The following MYH11 variants were observed in gnomAD, a reference collection of about 807,000 sequenced individuals.
The protein encoded by MYH11 is myosin-11.
Under a neutral mutation model 246.6 loss-of-function variants are expected in MYH11, and 80 were observed. The ratio of observed to expected loss-of-function variants is 0.32; its 90% CI spans 0.27 to 0.39. MYH11 has a LOEUF of 0.39. MYH11 is among the 10% of genes least tolerant of loss of function. The probability of loss-of-function intolerance (pLI) is 1.00; values close to 1 mark genes in which losing one functional copy is unlikely to be tolerated. For missense variants in MYH11, 2,158 were observed against 2,546.8 expected, an observed-to-expected ratio of 0.85 and a Z score of 3.29; for synonymous variants, 1,071 against 1,015.5, an observed-to-expected ratio of 1.05 and a Z score of -1.04.
At position 15,715,287 on chromosome 16, in the gene MYH11, G is replaced by T; in HGVS notation, c.5505-15C>A. The T allele has an allele frequency of 1.2e-6, 2 of 1,613,742 alleles. No individual in the cohort carries two copies. Among genetic ancestry groups the T allele is most frequent in the Non-Finnish European group, 1.7e-6 (2 of 1,179,818 alleles). ...CCTGTTTCTCTCTGCAAACAGCAAG[G>T]AAAACAGGTGGTTTCAGCGGAGGGT... On this transcript the variant is annotated splice_polypyrimidine_tract_variant and intron_variant, in intron 38 of 40. Coordinates refer to ENST00000300036, the MANE Select transcript of MYH11 (RefSeq NM_002474.3).
intron 11 of MYH11, among the ~76,000 whole-genome samples, chr16:15,759,980 C>G (rs564068111): frequency 1.1e-4 from 17 of 152,066 alleles, no homozygotes; most frequent in Non-Finnish European, 1.9e-4. Flanking sequence ...GCCTGTAGTC[C>G]CAGCTGCTTG....
chr16:15,783,777 G>T (rs2042407560), intron 5 of MYH11, among the ~76,000 whole-genome samples: 1 of 152,104 alleles, frequency 6.6e-6, no homozygotes, highest in African/African-American at 2.4e-5. Context: ...TTTAAATCGG[G>T]GGACCTGGTT....
chr16:15,763,741 T>TCACCCCCCCC, intron 10 of MYH11, 55 bp downstream of exon 10: 1 of 646,862 alleles, frequency 1.5e-6, no homozygotes, highest in Non-Finnish European at 2.9e-6. Context: ...AAATGTCACC[T>TCACCCCCCCC]CCCCCACCCC....
chr16:15,840,071 T>A (rs1319279605), intron 1 of MYH11, among the ~76,000 whole-genome samples: 1 of 147,466 alleles, frequency 6.8e-6, no homozygotes, highest in Non-Finnish European at 1.5e-5. Context: ...AAAAAAAGAG[T>A]TGCCAGTGGC....
chr16:15,749,509 G>A (rs543447907), intron 16 of MYH11: 1 of 152,732 alleles, frequency 6.5e-6, no homozygotes, highest in East Asian at 1.9e-4. Flanking sequence ...GCTGTGGGAG[G>A]AGCCCTGGCT....
chr16:15,847,414 C>A (rs1029196933), intron 1 of MYH11, among the ~76,000 whole-genome samples: 1 of 152,038 alleles, frequency 6.6e-6, no homozygotes, highest in Non-Finnish European at 1.5e-5. Context: ...CCATGCCCAG[C>A]TATTTTCCTG....
At chr16:15,760,412 G>A in intron 11 of MYH11, 128 bp downstream of exon 11, 1 of 802,174 alleles carries the variant, frequency 1.2e-6, no homozygotes, top group Non-Finnish European at 2.2e-6. Flanking sequence ...ATGGATGGAT[G>A]GACAGATGCA....
In MYH11 at chr16:15,727,003, C is replaced by A. The variant is rs376103294; in HGVS notation, c.3703G>T (p.Asp1235Tyr). ...AGGACCCGCAGCTCCCCGGCCAGGT[C>A]TGCGTTCTCTTTCTCCAGCGTCTGC... ...NKQTLEKENA[D>Y]LAGELRVLGQ... The change falls in exon 28 of 41, where the codon GAC (aspartate) becomes TAC (tyrosine). Residue 1235 changes from aspartate (D) to tyrosine (Y), a missense_variant. By Grantham distance (160) the Asp-to-Tyr change is radical. This residue lies in a region of MYH11 where 1,013 missense variants were observed against 993.5 expected (regional missense o/e 1.02). Coordinates refer to ENST00000300036, the MANE Select transcript of MYH11 (RefSeq NM_002474.3). 6.2e-7 allele frequency: 1 copy of A among 1,612,022 alleles called. No individual in the cohort carries two copies. Among genetic ancestry groups the A allele is most frequent in the South Asian group, 1.1e-5 (1 of 90,856 alleles).
chr16:15,797,412 C>A (rs1260086436), intron 4 of MYH11, among the ~76,000 whole-genome samples: 1 of 151,944 alleles, frequency 6.6e-6, no homozygotes, highest in Non-Finnish European at 1.5e-5. Context: ...ACGGTATTAT[C>A]TATAAAGAGC....
At chr16:15,719,959 A>G (rs2040379981) in intron 34 of MYH11, among the ~76,000 whole-genome samples, 192 bp downstream of exon 34, 1 of 152,016 alleles carries the variant, frequency 6.6e-6, no homozygotes, top group African/African-American at 2.4e-5. Context: ...GTGGCCAAAT[A>G]CCTAATAATG....
chr16:15,764,229 A>G (rs2041932102), intron 9 of MYH11, among the ~76,000 whole-genome samples: 1 of 152,234 alleles, frequency 6.6e-6, no homozygotes, highest in Non-Finnish European at 1.5e-5. Context: ...GAGTTGCAAC[A>G]AAGATCGTCT....
intron 36 of MYH11, 93 bp downstream of exon 36, chr16:15,719,127 C>A: frequency 1.5e-6 from 2 of 1,312,666 alleles, no homozygotes; most frequent in South Asian, 2.5e-5. Flanking sequence ...AACTCTGTCT[C>A]GAAAAAATTT....
intron 10 of MYH11, 55 bp downstream of exon 10, chr16:15,763,741 T>TCCGCCCCCCCC: frequency 3.1e-6 from 2 of 646,852 alleles, no homozygotes. Context: ...AAATGTCACC[T>TCCGCCCCCCCC]CCCCCACCCC....
intron 26 of MYH11, chr16:15,732,953 A>G (rs2041010567): frequency 6.9e-6 from 4 of 582,724 alleles, no homozygotes; most frequent in Non-Finnish European, 9.2e-6. Context: ...TACACAAAGT[A>G]ATAGAATTGA....
At chr16:15,814,553 C>CAAAAA (rs58806731) in intron 3 of MYH11, among the ~76,000 whole-genome samples, 407 of 22,772 alleles carry the variant, frequency 0.018, 27 homozygotes, top group Middle Eastern at 0.042. Context: ...AACTCCATCT[C>CAAAAA]AAAAAAAAAA....
intron 1 of MYH11, among the ~76,000 whole-genome samples, chr16:15,848,364 G>A (rs2044251250): frequency 6.6e-6 from 1 of 151,656 alleles, no homozygotes; most frequent in Non-Finnish European, 1.5e-5. Context: ...CTCCCAAGTA[G>A]CTGGGACTAC....
chr16:15,716,325 ATACACTTT>A (rs1438941399), intron 38 of MYH11, among the ~76,000 whole-genome samples: 2 of 152,126 alleles, frequency 1.3e-5, no homozygotes, highest in Non-Finnish European at 2.9e-5. Flanking sequence ...CCCTTGAATT[ATACACTTT>A]AAATGGGTGC....
intron 9 of MYH11, among the ~76,000 whole-genome samples, chr16:15,766,515 G>A (rs1230639389): frequency 6.6e-6 from 1 of 152,030 alleles, no homozygotes. Flanking sequence ...GGGATTACAG[G>A]CGTGTGCCAC....
At chr16:15,825,219 C>T (rs1214787177) in intron 2 of MYH11, among the ~76,000 whole-genome samples, 7 of 151,976 alleles carry the variant, frequency 4.6e-5, no homozygotes, top group Admixed American at 4.6e-4. Context: ...TGAGGAGGAA[C>T]TGCTCATGGG....
Sources: gnomAD v4.1 joint callset for allele counts (sites outside exome capture counted in the v4.1 genomes callset) on GRCh38, gnomAD v4.1.1 for gene constraint, gnomAD v4.1.1 regional missense constraint, MANE v1.5 for transcripts, NCBI Gene and HGNC (gene_info 2026-07-23, HGNC 2026-07-21) for gene names.